DPP9: variants seen among roughly 807,000 people sequenced by gnomAD.
DPP9 encodes the protein dipeptidyl peptidase IV-related protein-2.
Under a neutral mutation model 110.7 loss-of-function variants are expected in DPP9, and 50 were observed. That is an observed-to-expected ratio of 0.45 (90% CI 0.36 to 0.57). DPP9 has a LOEUF of 0.57. DPP9 is among the 20% of genes least tolerant of loss of function. DPP9 has a pLI of 0.00. For missense variants in DPP9, 1,022 were observed against 1,217.9 expected (o/e 0.84, Z 2.39); for synonymous variants, 561 against 514.4 (o/e 1.09, Z -1.23).
At chr19:4,703,739 G>A (rs1394717300) in intron 7 of DPP9, 147 bp downstream of exon 7, 11 of 791,700 alleles carry the variant, frequency 1.4e-5, no homozygotes, top group Non-Finnish European at 1.8e-5. Flanking sequence ...GACCTCCCGG[G>A]AGACATGGTA....
In DPP9 at chr19:4,688,748, G is replaced by T; in HGVS notation, c.1885+9C>A. 1 of 1,434,968 alleles carries T rather than the reference G, an allele frequency of 7.0e-7. No homozygotes were observed. Among genetic ancestry groups the T allele is most frequent in the Non-Finnish European group, 9.1e-7 (1 of 1,099,714 alleles). 88.9% of individuals were successfully genotyped at this position (1,434,968 alleles called of 1,614,324 possible). ...GAGGCCTCCGTGGGGCGGGGCAGGGGCTACTCACTGGCTGCCTCCATCATG... is the reference window on the plus strand; with the variant it reads ...GAGGCCTCCGTGGGGCGGGGCAGGGTCTACTCACTGGCTGCCTCCATCATG... On this transcript the variant is annotated intron_variant, in intron 16 of 21. Coordinates refer to ENST00000262960, the MANE Select transcript of DPP9 (RefSeq NM_139159.5).
rs1166035969 is a variant in DPP9 at position 4,700,606 on chromosome 19, T to C, written c.1013-329A>G. On this transcript the variant is annotated intron_variant, in intron 9 of 21. Transcript: ENST00000262960. The surrounding 1 kb of genome is among the most constrained non-coding windows in gnomAD (Gnocchi z 4.3). Reference sequence around the variant, plus strand: ...GTAGGGGCCGCAGATACCAGGAAGATGCCATCCCTGCCTTGGGAGAGCTCC... The same window carrying C: ...GTAGGGGCCGCAGATACCAGGAAGACGCCATCCCTGCCTTGGGAGAGCTCC... Among the ~76,000 whole-genome samples the C allele has an allele frequency of 1.3e-5, 2 of 152,192 alleles. No individual in the cohort carries two copies. The highest frequency in any genetic ancestry group is 1.3e-4 in the Admixed American group (2 of 15,278).
intron 4 of DPP9, among the ~76,000 whole-genome samples, chr19:4,713,292 CTTA>C (rs2092918954): frequency 1.3e-5 from 2 of 152,362 alleles, no homozygotes; most frequent in East Asian, 3.9e-4. Context: ...CCTCCCAGCT[CTTA>C]AGGCCTCTGG....
In DPP9 at chr19:4,687,024, C is replaced by G. The variant is rs954329423; in HGVS notation, c.1886-1253G>C. On this transcript the variant is annotated intron_variant, in intron 16 of 21. Transcript: ENST00000262960. The surrounding 1 kb of genome is among the most constrained non-coding windows in gnomAD (Gnocchi z 4.7). ...TTGGGAGTTTCGGGAAACAGTGCCT[C>G]GTTCCCCAGGGCACTGAGGTTCTGG... 1.3e-5 allele frequency among the ~76,000 whole-genome samples: 2 copies of G among 152,140 alleles called. No individual in the cohort carries two copies. The highest frequency in any genetic ancestry group is 4.8e-5 in the African/African-American group (2 of 41,430).
chr19:4,711,556 T>C (rs2092829403), intron 4 of DPP9, among the ~76,000 whole-genome samples: 2 of 151,962 alleles, frequency 1.3e-5, no homozygotes, highest in African/African-American at 2.4e-5. Flanking sequence ...GCGGATCACC[T>C]GAGGTCAGGA....
chr19:4,709,482 G>T (rs749097767), intron 4 of DPP9, among the ~76,000 whole-genome samples: 18 of 152,182 alleles, frequency 1.2e-4, no homozygotes, highest in Non-Finnish European at 2.4e-4. Flanking sequence ...CTGGAAACAC[G>T]ACTCAATCTC....
At chr19:4,705,320 T>A (rs2092527514) in intron 5 of DPP9, among the ~76,000 whole-genome samples, 1 of 152,054 alleles carries the variant, frequency 6.6e-6, no homozygotes, top group South Asian at 2.1e-4. Context: ...CCCTCCTGGG[T>A]TCAAGAGATC....
In DPP9 at chr19:4,675,784, ATTTT is replaced by A. The variant is rs2088775899; in HGVS notation, c.*776_*779del. The A allele has an allele frequency of 2.0e-5, 3 of 152,124 alleles. No individual in the cohort carries two copies. Among genetic ancestry groups the A allele is most frequent in the African/African-American group, 7.2e-5 (3 of 41,380 alleles). The allele number at this position is 152,124 out of a possible 1,614,324, so 9.4% of individuals were successfully genotyped here. On this transcript the variant is annotated 3_prime_UTR_variant, in exon 22 of 22. Coordinates refer to ENST00000262960, the MANE Select transcript of DPP9 (RefSeq NM_139159.5). ...GCTTTCTGTCTTTTATTTTTTATTT[ATTTT>A]GAGACAGAGTTTCGCTCTTGTTGCC...
chr19:4,691,709 C>T (rs1428854603), intron 13 of DPP9, among the ~76,000 whole-genome samples: 8 of 132,276 alleles, frequency 6.0e-5, no homozygotes, highest in Non-Finnish European at 9.3e-5. Context: ...CGGAGTCTTG[C>T]TCTTGTCGCC....
chr19:4,714,262 G>T lies in DPP9; in HGVS notation c.132C>A (p.Ala44=). ...GTPTADRGDA[A]ATDDPAARFQ... ...AGCGGGCGGCCGGGTCATCTGTGGC[G>T]GCTGCGTCGCCTCGGTCGGCCGTTG... The change falls in exon 4 of 22, where the codon GCC becomes GCA. Residue 44 remains alanine (A), a synonymous_variant. Coordinates refer to ENST00000262960, the MANE Select transcript of DPP9 (RefSeq NM_139159.5). 6.4e-7 allele frequency: 1 copy of T among 1,573,982 alleles called. No individual in the cohort carries two copies. Among genetic ancestry groups the T allele is most frequent in the Non-Finnish European group, 8.6e-7 (1 of 1,161,686 alleles).
chr19:4,678,675 G>A (rs1449085778), intron 21 of DPP9, among the ~76,000 whole-genome samples: 1 of 152,048 alleles, frequency 6.6e-6, no homozygotes. Flanking sequence ...GCTCATCACC[G>A]CACAAGGTGG....
chr19:4,713,512 A>T (rs1335581608), intron 4 of DPP9, among the ~76,000 whole-genome samples: 1 of 152,122 alleles, frequency 6.6e-6, no homozygotes, highest in Non-Finnish European at 1.5e-5. Context: ...GTGGATCCAG[A>T]GCCTGCAGCA....
Position 4,695,646 on chromosome 19 carries a change from T to A in DPP9, c.1176-91A>T. 1 of 1,190,876 alleles carries A rather than the reference T, an allele frequency of 8.4e-7. No individual in the cohort carries two copies. The highest frequency in any genetic ancestry group is 1.1e-6 in the Non-Finnish European group (1 of 892,032). 73.8% of individuals were successfully genotyped at this position (1,190,876 alleles called of 1,614,324 possible). ...GCTGGGGACGCAGCGTCCAAACCCGTGTGGAATCAGGGCTGGGCTTCCTGC... is the reference window on the plus strand; with the variant it reads ...GCTGGGGACGCAGCGTCCAAACCCGAGTGGAATCAGGGCTGGGCTTCCTGC... On this transcript the variant is annotated intron_variant, in intron 11 of 21. Coordinates refer to ENST00000262960, the MANE Select transcript of DPP9 (RefSeq NM_139159.5). The surrounding 1 kb of genome is among the most constrained non-coding windows in gnomAD (Gnocchi z 4.7).
At chr19:4,688,633 G>C in intron 16 of DPP9, 124 bp downstream of exon 16, 1 of 1,198,188 alleles carries the variant, frequency 8.3e-7, no homozygotes. Flanking sequence ...GAGGGGCCTG[G>C]GTGCTGTGGG....
chr19:4,716,526 A>G (rs977296260), intron 3 of DPP9, among the ~76,000 whole-genome samples: 1 of 151,834 alleles, frequency 6.6e-6, no homozygotes, highest in Non-Finnish European at 1.5e-5. Context: ...AGTCCCAGCT[A>G]CTCGGGAGGC....
chr19:4,720,545 G>C (rs754719394), intron 2 of DPP9, among the ~76,000 whole-genome samples: 1 of 152,166 alleles, frequency 6.6e-6, no homozygotes, highest in Non-Finnish European at 1.5e-5. Flanking sequence ...ACACCCAGAC[G>C]CTGATACAAT....
chr19:4,710,543 T>TG lies in DPP9; in HGVS notation c.313+3537_313+3538insC, dbSNP rs1252936197. Among the ~76,000 whole-genome samples the TG allele has an allele frequency of 6.6e-6, 1 of 152,186 alleles. No individual in the cohort carries two copies. The highest frequency in any genetic ancestry group is 1.5e-5 in the Non-Finnish European group (1 of 68,032). ...CCTGCTAGCCTGACGCTGGGGGCTT[T>TG]ATCATGTGGATCTGAAAGAGCCTTT... On this transcript the variant is annotated intron_variant, in intron 4 of 21. Transcript: ENST00000262960. The surrounding 1 kb of genome is among the most constrained non-coding windows in gnomAD (Gnocchi z 5.6).
chr19:4,691,002 T>TGCAGGCGCCC, intron 13 of DPP9, 45 bp from the exon 14 acceptor site: 5 of 1,514,790 alleles, frequency 3.3e-6, no homozygotes, highest in Non-Finnish European at 4.5e-6. Context: ...TGGGAGGTGA[T>TGCAGGCGCCC]GCAGGCGCCC....
At chr19:4,720,032 TC>T in intron 2 of DPP9, 91 bp from the exon 3 acceptor site, 1 of 1,076,672 alleles carries the variant, frequency 9.3e-7, no homozygotes, top group Non-Finnish European at 1.3e-6. Context: ...TCCTCATTGC[TC>T]CAGGCAGCCC....
Sources: allele counts gnomAD v4.1 joint callset (sites outside exome capture counted in the v4.1 genomes callset), GRCh38; gene constraint gnomAD v4.1.1; non-coding constraint Gnocchi (gnomAD v3.1); transcripts MANE v1.5; gene names NCBI Gene and HGNC (gene_info 2026-07-23, HGNC 2026-07-21).